Variants in TANC1 observed in about 807,000 individuals in gnomAD.
TANC1 encodes the protein protein TANC1.
A neutral mutation model predicts 149.7 loss-of-function variants in TANC1; 77 were observed. That is an observed-to-expected ratio of 0.51 (90% CI 0.43 to 0.62). TANC1 has a LOEUF of 0.62. Ranked by LOEUF, TANC1 falls within the 20% of genes least tolerant of loss-of-function variation. TANC1 has a pLI of 0.00. For missense variants in TANC1, 1,985 were observed against 2,321.8 expected (o/e 0.85, Z 2.98); for synonymous variants, 854 against 925.0 (o/e 0.92, Z 1.39).
chr2:159,216,566 C>T (rs548468475), intron 19 of TANC1, among the ~76,000 whole-genome samples: 2 of 152,308 alleles, frequency 1.3e-5, no homozygotes, highest in Admixed American at 1.3e-4. Context: ...GAACTACACC[C>T]CCTGCTTATT....
intron 3 of TANC1, among the ~76,000 whole-genome samples, chr2:159,073,685 A>T (rs2149740498): frequency 6.6e-6 from 1 of 152,348 alleles, no homozygotes; most frequent in Non-Finnish European, 1.5e-5. Flanking sequence ...TTTTGTACAG[A>T]CTTAGTTTTC....
chr2:158,969,412 G>A (rs1573870161), intron 1 of TANC1, among the ~76,000 whole-genome samples: 1 of 152,254 alleles, frequency 6.6e-6, no homozygotes, highest in Admixed American at 6.5e-5. Context: ...CCTTTATTGG[G>A]GGTGGGGGTG....
At chr2:159,132,788 C>T (rs1378897829) in intron 4 of TANC1, among the ~76,000 whole-genome samples, 2 of 151,844 alleles carry the variant, frequency 1.3e-5, no homozygotes, top group Non-Finnish European at 2.9e-5. Context: ...ACCACCGTGC[C>T]AGGCCTGGGT....
chr2:159,119,718 C>G (rs1237497980), intron 4 of TANC1, among the ~76,000 whole-genome samples: 1 of 152,148 alleles, frequency 6.6e-6, no homozygotes, highest in East Asian at 1.9e-4. Context: ...GCAGCAGGCA[C>G]TCTTAGGAGG....
chr2:159,182,205 C>T (rs1045034797), intron 14 of TANC1, among the ~76,000 whole-genome samples: 3 of 7,158 alleles, frequency 4.2e-4, no homozygotes, highest in African/African-American at 7.6e-4. Flanking sequence ...ACAAAACTGT[C>T]TCAAAAAAAA....
rs759932561 is a variant in TANC1 at position 159,230,752 on chromosome 2, G to C, written c.5326G>C (p.Gly1776Arg). 2 of 1,614,038 alleles carry C rather than the reference G, an allele frequency of 1.2e-6. No homozygotes were observed. Among genetic ancestry groups the C allele is most frequent in the Non-Finnish European group, 1.7e-6 (2 of 1,180,026 alleles). The stretch of plus-strand genomic sequence containing the variant: ...TGAGAAGCCCTCTCTCATGCAAGTG[G>C]GAGGATATAATAACCAAGCCAAAAC... ...NTEKPSLMQV[G>R]GYNNQAKTCS... The change falls in exon 27 of 27, where the codon GGA becomes CGA. Residue 1776 changes from glycine (G) to arginine (R), a missense_variant. By Grantham distance (125) the Gly-to-Arg change is moderately radical. Transcript: ENST00000263635. The surrounding 1 kb of genome is among the most constrained non-coding windows in gnomAD (Gnocchi z 4.4).
chr2:159,118,083 G>A (rs2048476507), intron 4 of TANC1, among the ~76,000 whole-genome samples: 1 of 152,152 alleles, frequency 6.6e-6, no homozygotes, highest in African/African-American at 2.4e-5. Flanking sequence ...CAGAAGTGAA[G>A]TGCCTTCTGC....
chr2:159,132,236 T>C (rs890774973), intron 4 of TANC1, among the ~76,000 whole-genome samples: 9 of 152,220 alleles, frequency 5.9e-5, no homozygotes, highest in African/African-American at 2.2e-4. Context: ...AGTGAATTAA[T>C]GTATGTGCGT....
chr2:159,117,935 CTGTACTGG>C (rs2048453498), intron 4 of TANC1, among the ~76,000 whole-genome samples: 1 of 147,294 alleles, frequency 6.8e-6, no homozygotes, highest in East Asian at 1.9e-4. Flanking sequence ...TGGAGTTTTT[CTGTACTGG>C]AGTTTTTCTC....
chr2:159,004,706 A>T (rs2036968601), intron 2 of TANC1, among the ~76,000 whole-genome samples: 1 of 152,162 alleles, frequency 6.6e-6, no homozygotes, highest in Non-Finnish European at 1.5e-5. Flanking sequence ...GTAGAAATAA[A>T]AAAAACTTTA....
chr2:159,209,841 C>T (rs1575276073), intron 19 of TANC1, among the ~76,000 whole-genome samples: 1 of 152,158 alleles, frequency 6.6e-6, no homozygotes, highest in Non-Finnish European at 1.5e-5. Flanking sequence ...CTGCCTTCAC[C>T]ACATCTCACA....
intron 1 of TANC1, among the ~76,000 whole-genome samples, chr2:159,000,476 C>G (rs1179235799): frequency 6.6e-6 from 1 of 151,952 alleles, no homozygotes; most frequent in African/African-American, 2.4e-5. Context: ...TCTTTTGGAT[C>G]AGAGAATTCA....
At chr2:159,064,685 T>C (rs938040461) in intron 2 of TANC1, among the ~76,000 whole-genome samples, 1 of 152,142 alleles carries the variant, frequency 6.6e-6, no homozygotes, top group African/African-American at 2.4e-5. Flanking sequence ...ATAAGAAAGG[T>C]CACCCTGCCT....
chr2:159,000,241 G>T (rs1370019454), intron 1 of TANC1, among the ~76,000 whole-genome samples: 4 of 152,088 alleles, frequency 2.6e-5, no homozygotes, highest in African/African-American at 9.7e-5. Flanking sequence ...GGTTGGCTTG[G>T]AACAGGAGTG....
At chr2:159,066,301 C>G (rs1036248218) in intron 3 of TANC1, among the ~76,000 whole-genome samples, 1 of 152,004 alleles carries the variant, frequency 6.6e-6, no homozygotes, top group African/African-American at 2.4e-5. Flanking sequence ...TAAATCCTAG[C>G]TACTTGGGAG....
At chr2:159,189,477 A>C (rs1178744682) in intron 16 of TANC1, among the ~76,000 whole-genome samples, 1 of 152,228 alleles carries the variant, frequency 6.6e-6, no homozygotes, top group Non-Finnish European at 1.5e-5. Flanking sequence ...AAGGTTGATT[A>C]TAACATCGAT....
chr2:159,134,613 G>A (rs905795381), intron 4 of TANC1, among the ~76,000 whole-genome samples: 1 of 152,196 alleles, frequency 6.6e-6, no homozygotes, highest in African/African-American at 2.4e-5. Context: ...CTCCTGAGTA[G>A]CTGGGATTAC....
chr2:159,201,287 A>G (rs1336898758), intron 19 of TANC1, among the ~76,000 whole-genome samples: 2 of 152,146 alleles, frequency 1.3e-5, no homozygotes, highest in Admixed American at 6.5e-5. Context: ...GTCCTTACAC[A>G]AATGTATACT....
chr2:159,211,586 A>C (rs576837933), intron 19 of TANC1, among the ~76,000 whole-genome samples: 1 of 152,276 alleles, frequency 6.6e-6, no homozygotes, highest in African/African-American at 2.4e-5. Flanking sequence ...TAATTTAGCC[A>C]TGGTTCTGTT....
Sources: gnomAD v4.1 joint callset for allele counts (sites outside exome capture counted in the v4.1 genomes callset) on GRCh38, gnomAD v4.1.1 for gene constraint, Gnocchi (gnomAD v3.1) non-coding constraint, MANE v1.5 for transcripts, NCBI Gene and HGNC (gene_info 2026-07-23, HGNC 2026-07-21) for gene names.